The following IQCH variants were observed in gnomAD, a reference collection of about 807,000 sequenced individuals.
IQCH encodes the protein IQ domain-containing protein H.
Under a neutral mutation model 117.0 loss-of-function variants are expected in IQCH, and 98 were observed. The observed-to-expected ratio is 0.84, with a 90% CI of 0.71 to 0.99. The LOEUF (loss-of-function observed/expected upper bound fraction) is 0.99, where lower values mean the gene tolerates loss of function less well. Among genes scored for constraint, IQCH ranks in the 50% least tolerant of loss-of-function variants. IQCH has a pLI of 0.00. For missense variants in IQCH, 1,102 were observed against 1,243.8 expected, an observed-to-expected ratio of 0.89 and a Z score of 1.72; for synonymous variants, 412 against 448.2, an observed-to-expected ratio of 0.92 and a Z score of 1.02.
Position 67,439,612 on chromosome 15 carries a change from G to A in IQCH, c.2505+18035G>A, listed in dbSNP as rs186625134. On this transcript the variant is annotated intron_variant, in intron 16 of 20. Coordinates refer to ENST00000335894, the MANE Select transcript of IQCH (RefSeq NM_001031715.3). ...AAAAAATACAAACAATAGGCCAGGC[G>A]CAGTGGCTCATGCCTGTAATCCCAG... Among the ~76,000 whole-genome samples, 81 of 152,180 alleles carry A rather than the reference G, an allele frequency of 5.3e-4. 2 individuals are homozygous for A. In the East Asian group the frequency reaches 7.3e-3, roughly 14 times the overall value.
chr15:67,287,404 T>C (rs1391499523), intron 4 of IQCH, among the ~76,000 whole-genome samples: 1 of 152,192 alleles, frequency 6.6e-6, no homozygotes, highest in Non-Finnish European at 1.5e-5. Flanking sequence ...GGTACTGGGC[T>C]TTTCTTTGCT....
chr15:67,488,747 AACCT>A (rs2083561673), intron 18 of IQCH, among the ~76,000 whole-genome samples: 1 of 152,176 alleles, frequency 6.6e-6, no homozygotes, highest in Non-Finnish European at 1.5e-5. Flanking sequence ...AGGAGCATGC[AACCT>A]AGATCCCTTG....
At position 67,479,498 on chromosome 15, in the gene IQCH, A is replaced by G. The variant is rs572683213; in HGVS notation, c.2799+3680A>G. ...AGAAGAATTCTGGAATCCATTTCCA[A>G]TATATCCCCTCTAGGTACCTCTTAT... On this transcript the variant is annotated intron_variant, in intron 18 of 20. Coordinates refer to ENST00000335894, the MANE Select transcript of IQCH (RefSeq NM_001031715.3). This position sits in a 1 kb window ranked among gnomAD's most constrained non-coding sequence, Gnocchi z 4.6. Among the ~76,000 whole-genome samples, 2 of 152,204 alleles carry G rather than the reference A, an allele frequency of 1.3e-5. No individual in the cohort carries two copies. The highest frequency in any genetic ancestry group is 4.8e-5 in the African/African-American group (2 of 41,448).
Position 67,465,197 on chromosome 15 carries a change from C to T in IQCH, c.2576C>T (p.Thr859Ile), listed in dbSNP as rs1009512266. The part of the protein sequence containing the change: ...LALTQLTLYL[T>I]NGHLDCSLST... ...CTGACTCAACTCACCTTATACCTGA[C>T]AAACGGCCATCTGGATTGCAGTTTG... The change falls in exon 17 of 21, where the codon ACA becomes ATA. Residue 859 changes from threonine (T) to isoleucine (I), a missense_variant. Physicochemically the swap from Thr to Ile is moderately conservative, Grantham distance 89. Coordinates refer to ENST00000335894, the MANE Select transcript of IQCH (RefSeq NM_001031715.3). The surrounding 1 kb of genome is among the most constrained non-coding windows in gnomAD (Gnocchi z 5.9). 5 of 1,614,204 alleles carry T rather than the reference C, an allele frequency of 3.1e-6. No homozygotes were observed. Among genetic ancestry groups the T allele is most frequent in the Non-Finnish European group, 4.2e-6 (5 of 1,180,034 alleles).
At chr15:67,383,581 CTA>C (rs1283970115) in intron 10 of IQCH, among the ~76,000 whole-genome samples, 12 of 152,084 alleles carry the variant, frequency 7.9e-5, no homozygotes, top group Non-Finnish European at 1.0e-4. Context: ...TATACTCTTG[CTA>C]TATGTTATCC....
chr15:67,358,207 C>CTCTTTTTTTTTTTTTTTTTTTTT (rs768931234), intron 7 of IQCH, among the ~76,000 whole-genome samples: 1 of 10,450 alleles, frequency 9.6e-5, no homozygotes, highest in Non-Finnish European at 1.7e-4. Flanking sequence ...ACTTTCTTTT[C>CTCTTTTTTTTTTTTTTTTTTTTT]TTTTTTTTTT....
chr15:67,474,209 G>C lies in IQCH; in HGVS notation c.2677-1487G>C, dbSNP rs974745827. On this transcript the variant is annotated intron_variant, in intron 17 of 20. Transcript: ENST00000335894. The surrounding 1 kb of genome is among the most constrained non-coding windows in gnomAD (Gnocchi z 4.1). ...TATCTCAGAGACAGGAGGCGAGCCAGAGGCCTGATTATAATGCATGTCAGG... is the reference window on the plus strand; with the variant it reads ...TATCTCAGAGACAGGAGGCGAGCCACAGGCCTGATTATAATGCATGTCAGG... Among the ~76,000 whole-genome samples, 2 of 152,042 alleles carry C rather than the reference G, an allele frequency of 1.3e-5. No homozygotes were observed. The highest frequency in any genetic ancestry group is 1.3e-4 in the Admixed American group (2 of 15,256).
At chr15:67,258,058 C>T (rs1354100348) in intron 1 of IQCH, among the ~76,000 whole-genome samples, 1 of 151,690 alleles carries the variant, frequency 6.6e-6, no homozygotes, top group Non-Finnish European at 1.5e-5. Context: ...GGCAAAACCC[C>T]GTCTCTACTA....
intron 10 of IQCH, among the ~76,000 whole-genome samples, chr15:67,383,465 T>A (rs987832203): frequency 3.3e-5 from 5 of 152,194 alleles, no homozygotes; most frequent in African/African-American, 1.2e-4. Flanking sequence ...TAATGAGACA[T>A]ATTATACTGC....
rs909206149 is a variant in IQCH, at chr15:67,364,474, A to G, written c.753+4589A>G. On this transcript the variant is annotated intron_variant, in intron 8 of 20. Coordinates refer to ENST00000335894, the MANE Select transcript of IQCH (RefSeq NM_001031715.3). The surrounding 1 kb of genome is among the most constrained non-coding windows in gnomAD (Gnocchi z 4.1). The stretch of plus-strand genomic sequence containing the variant: ...CTTGTAATTACCGAGAAAAACTACA[A>G]GGACTGTTTTTACTACTTTTCATAG... 1.3e-5 allele frequency among the ~76,000 whole-genome samples: 2 copies of G among 152,158 alleles called. No homozygotes were observed. The highest frequency in any genetic ancestry group is 4.8e-5 in the African/African-American group (2 of 41,442).
intron 1 of IQCH, among the ~76,000 whole-genome samples, chr15:67,258,718 G>A (rs1439014724): frequency 1.3e-5 from 2 of 152,092 alleles, no homozygotes; most frequent in African/African-American, 4.8e-5. Context: ...TTCTTATTAA[G>A]TAGCTCTGTC....
intron 8 of IQCH, among the ~76,000 whole-genome samples, chr15:67,368,057 C>G (rs1291979453): frequency 6.6e-6 from 1 of 152,136 alleles, no homozygotes. Flanking sequence ...ATCATCATAG[C>G]AACTCTGCAG....
At chr15:67,259,886 C>T (rs138874838) in intron 1 of IQCH, among the ~76,000 whole-genome samples, 391 of 152,348 alleles carry the variant, frequency 2.6e-3, no homozygotes, top group Middle Eastern at 0.02. Context: ...AGATTTCAAT[C>T]TGTGAGCTCT....
rs1965910552 is a variant in IQCH at position 67,271,845 on chromosome 15, T to A, written c.270-7550T>A. 2.6e-5 allele frequency among the ~76,000 whole-genome samples: 4 copies of A among 152,114 alleles called. No individual in the cohort carries two copies. The South Asian group carries it at 8.3e-4, about 32-fold the overall frequency. ...TTAGTCTAGCTAAAGGTTTGTTGAT[T>A]GTCTTTATCTTTTCAAAAAACCACC... is the stretch of plus-strand genomic sequence containing the variant. On this transcript the variant is annotated intron_variant, in intron 3 of 20. Transcript: ENST00000335894.
At chr15:67,484,318 A>C (rs2083415492) in intron 18 of IQCH, among the ~76,000 whole-genome samples, 1 of 152,012 alleles carries the variant, frequency 6.6e-6, no homozygotes, top group African/African-American at 2.4e-5. Flanking sequence ...AGGTGGGAGA[A>C]TCTCTTAGGC....
Position 67,436,813 on chromosome 15 carries a change from G to A in IQCH, c.2505+15236G>A, listed in dbSNP as rs1298062280. Among the ~76,000 whole-genome samples the A allele has an allele frequency of 6.6e-6, 1 of 152,054 alleles. No homozygotes were observed. The highest frequency in any genetic ancestry group is 1.5e-5 in the Non-Finnish European group (1 of 68,010). ...CTTCCCTGACAACCTGCATGACTCA[G>A]CAGAGGCAGCCATAATCCTCCTAGG... On this transcript the variant is annotated intron_variant, in intron 16 of 20. Coordinates refer to ENST00000335894, the MANE Select transcript of IQCH (RefSeq NM_001031715.3). The surrounding 1 kb of genome is among the most constrained non-coding windows in gnomAD (Gnocchi z 5.1).
chr15:67,285,039 T>C (rs1966507853), intron 4 of IQCH, among the ~76,000 whole-genome samples: 1 of 152,196 alleles, frequency 6.6e-6, no homozygotes, highest in Non-Finnish European at 1.5e-5. Context: ...CCACACTGTC[T>C]TCCACAATGG....
In IQCH at chr15:67,393,011, C is replaced by T. The variant is rs999180559; in HGVS notation, c.1633-2280C>T. Among the ~76,000 whole-genome samples the T allele has an allele frequency of 2.6e-5, 4 of 152,084 alleles. No individual in the cohort carries two copies. Among genetic ancestry groups the T allele is most frequent in the African/African-American group, 9.7e-5 (4 of 41,406 alleles). The stretch of plus-strand genomic sequence containing the variant: ...CATTTTTAAGTGTACAGTTTAGTGG[C>T]ATTAAGTACATTCACATTGTTGTAC... On this transcript the variant is annotated intron_variant, in intron 12 of 20. Coordinates refer to ENST00000335894, the MANE Select transcript of IQCH (RefSeq NM_001031715.3). The surrounding 1 kb of genome is among the most constrained non-coding windows in gnomAD (Gnocchi z 5.5).
chr15:67,429,657 T>C (rs2081978621), intron 16 of IQCH, among the ~76,000 whole-genome samples: 1 of 152,264 alleles, frequency 6.6e-6, no homozygotes, highest in African/African-American at 2.4e-5. Context: ...ACACAGGTCT[T>C]ACAATAAGAC....
Sources: gnomAD v4.1 joint callset for allele counts (sites outside exome capture counted in the v4.1 genomes callset) on GRCh38, gnomAD v4.1.1 for gene constraint, Gnocchi (gnomAD v3.1) non-coding constraint, MANE v1.5 for transcripts, NCBI Gene and HGNC (gene_info 2026-07-23, HGNC 2026-07-21) for gene names.